The following SH2D3A variants were observed in gnomAD, a reference collection of about 807,000 sequenced individuals.
SH2D3A encodes the protein SH2 domain-containing protein 3A.
SH2D3A carries 46 observed loss-of-function variants against 50.6 expected under a neutral mutation model. The observed-to-expected ratio is 0.91, with a 90% CI of 0.72 to 1.16. SH2D3A has a LOEUF of 1.16. Ranked by LOEUF, SH2D3A falls within the 50% of genes most tolerant of loss-of-function variation. SH2D3A has a pLI of 0.00. For synonymous variants in SH2D3A, 377 were observed against 348.4 expected (o/e 1.08, Z -0.91); for missense variants, 783 against 786.2 (o/e 1.00, Z 0.05).
intron 8 of SH2D3A, 91 bp downstream of exon 8, chr19:6,753,961 C>A: frequency 1.4e-6 from 2 of 1,421,790 alleles, no homozygotes. Context: ...GGGCCTAGAA[C>A]AGATGCAGGG....
At chr19:6,755,451 G>C in intron 4 of SH2D3A, 136 bp from the exon 5 acceptor site, 1 of 555,256 alleles carries the variant, frequency 1.8e-6, no homozygotes, top group Non-Finnish European at 3.0e-6. Flanking sequence ...ACCTATCCGG[G>C]TGCAGTTTTG....
chr19:6,760,591 C>T, intron 3 of SH2D3A, 47 bp downstream of exon 3: 1 of 1,445,170 alleles, frequency 6.9e-7, no homozygotes, highest in Non-Finnish European at 9.2e-7. Context: ...GTTGGAAAAC[C>T]CTGCGAGTGT....
At chr19:6,765,142 A>G (rs1970241273) in intron 1 of SH2D3A, among the ~76,000 whole-genome samples, 1 of 151,604 alleles carries the variant, frequency 6.6e-6, no homozygotes, top group Non-Finnish European at 1.5e-5. Flanking sequence ...CAGCCTCCCA[A>G]AGCACTGGGA....
chr19:6,753,399 G>A (rs1439433657), intron 9 of SH2D3A, 57 bp downstream of exon 9: 1 of 1,420,594 alleles, frequency 7.0e-7, no homozygotes, highest in South Asian at 1.5e-5. Flanking sequence ...TGGGGGATCC[G>A]GTTAGAACCT....
Position 6,753,515 on chromosome 19 carries a change from G to C in SH2D3A, c.1511C>G (p.Ala504Gly). 6.4e-7 allele frequency: 1 copy of C among 1,558,022 alleles called. No homozygotes were observed. Among genetic ancestry groups the C allele is most frequent in the Non-Finnish European group, 8.7e-7 (1 of 1,151,482 alleles). ...GGGTGCGTCCCGGACCATGTGACGC[G>C]CCCCGTGCAGGGTGCGCAACAGCCG... The part of the protein sequence containing the change: ...CERLLRTLHG[A>G]RHMVRDAPKF... The change falls in exon 9 of 10, where the codon GCG becomes GGG. Residue 504 changes from alanine (A) to glycine (G), a missense_variant. By Grantham distance (60) the Ala-to-Gly change is moderately conservative (BLOSUM62 0). Coordinates refer to ENST00000245908, the MANE Select transcript of SH2D3A (RefSeq NM_005490.3).
chr19:6,756,024 C>T (rs1165638000), intron 4 of SH2D3A, among the ~76,000 whole-genome samples: 1 of 150,090 alleles, frequency 6.7e-6, no homozygotes, highest in Non-Finnish European at 1.5e-5. Flanking sequence ...TGAGGTATGA[C>T]TGCACCACTG....
chr19:6,753,191 G>A (rs1969422621), intron 9 of SH2D3A: 1 of 985,174 alleles, frequency 1.0e-6, no homozygotes, highest in African/African-American at 1.7e-5. Context: ...GTCTTAGGTG[G>A]GAAGGGGGAG....
In SH2D3A at chr19:6,753,601, T is replaced by C; in HGVS notation, c.1425A>G (p.Ala475=). The change falls in exon 9 of 10, where the codon GCA becomes GCG. Residue 475 remains alanine (A), a synonymous_variant. Coordinates refer to ENST00000245908, the MANE Select transcript of SH2D3A (RefSeq NM_005490.3). ...CGCCCTCCAGTAGGCGAACCATGGG[T>C]GCCACGTGCGGCAGCGCCACCTCGC... ...DPGEVALPHV[A]PMVRLLEGEE... is the part of the protein sequence containing the mutation. 6.3e-7 allele frequency: 1 copy of C among 1,590,206 alleles called. No homozygotes were observed. Among genetic ancestry groups the C allele is most frequent in the Non-Finnish European group, 8.6e-7 (1 of 1,169,270 alleles).
In SH2D3A at chr19:6,760,640, G is replaced by C; in HGVS notation, c.417C>G (p.Leu139=). The C allele has an allele frequency of 6.4e-7, 1 of 1,566,522 alleles. No homozygotes were observed. The highest frequency in any genetic ancestry group is 8.7e-7 in the Non-Finnish European group (1 of 1,152,892). Residue 139 remains leucine, a splice_region_variant and synonymous_variant, in exon 3 of 10, where the codon CTC becomes CTG. Coordinates refer to ENST00000245908, the MANE Select transcript of SH2D3A (RefSeq NM_005490.3). ...LMDGPARIEP[L]RARKWSNSQP... is the part of the protein sequence containing the mutation. ...GGAGGCAGGGAGACTGTGAGTACCT[G>C]AGAGGCTCTATCCGAGCTGGGCCAT...
intron 6 of SH2D3A, 79 bp from the exon 7 acceptor site, chr19:6,754,504 T>C (rs1969529505): frequency 7.7e-6 from 12 of 1,555,036 alleles, no homozygotes; most frequent in Admixed American, 1.8e-5. Flanking sequence ...GGAGGTGGCA[T>C]TGCCCCATCT....
chr19:6,761,182 C>T, intron 2 of SH2D3A, 195 bp from the exon 3 acceptor site: 3 of 584,472 alleles, frequency 5.1e-6, no homozygotes, highest in Non-Finnish European at 9.1e-6. Flanking sequence ...CTACATTTCC[C>T]AGGTTCCCTT....
At position 6,766,779 on chromosome 19, in the gene SH2D3A, A is replaced by T. The variant is rs370406855; in HGVS notation, c.-69+608T>A. On this transcript the variant is annotated intron_variant, in intron 1 of 9. Transcript: ENST00000245908. ...GACAGACCATTTCTAAGAGTTATCA[A>T]TGAAAGTGATAAGCCAGGGAGATGT... Among the ~76,000 whole-genome samples the T allele has an allele frequency of 7.2e-5, 11 of 152,334 alleles. No individual in the cohort carries two copies. The East Asian group carries it at 2.1e-3, about 29-fold the overall frequency.
At chr19:6,756,784 G>GTC (rs901402970) in intron 4 of SH2D3A, among the ~76,000 whole-genome samples, 2 of 151,946 alleles carry the variant, frequency 1.3e-5, no homozygotes, top group African/African-American at 2.4e-5. Context: ...GAGCCCCAGG[G>GTC]TCTCTCTCTC....
chr19:6,753,581 T>C lies in SH2D3A; in HGVS notation c.1445A>G (p.Glu482Gly). ...PHVAPMVRLL[E>G]GEEVAGPLDE... The stretch of plus-strand genomic sequence containing the variant: ...CAGCGGCCCCGCGACTTCCTCGCCC[T>C]CCAGTAGGCGAACCATGGGTGCCAC... Residue 482 changes from glutamate to glycine, a missense_variant, in exon 9 of 10, where the codon GAG (glutamate) becomes GGG (glycine). By Grantham distance (98) the Glu-to-Gly change is moderately conservative. Transcript: ENST00000245908. 1.9e-6 allele frequency: 3 copies of C among 1,587,412 alleles called. No homozygotes were observed. Among genetic ancestry groups the C allele is most frequent in the Non-Finnish European group, 2.6e-6 (3 of 1,167,850 alleles).
chr19:6,759,486 A>G (rs1969886730), intron 4 of SH2D3A, 108 bp downstream of exon 4: 1 of 919,808 alleles, frequency 1.1e-6, no homozygotes, highest in African/African-American at 1.7e-5. Context: ...TCATTTTCTA[A>G]AGCAAGAAAT....
rs762085084 is a variant in SH2D3A, at chr19:6,754,702, A to G, written c.1011T>C (p.Asp337=). Residue 337 remains aspartate (D), a synonymous_variant, in exon 6 of 10, where the codon GAT becomes GAC. Coordinates refer to ENST00000245908, the MANE Select transcript of SH2D3A (RefSeq NM_005490.3). ...ATGAGACTCCCATGTTGCCCCGCTGATCTCTGGTCACTCCCAGGAGGCCTG... is the reference window on the plus strand; with the variant it reads ...ATGAGACTCCCATGTTGCCCCGCTGGTCTCTGGTCACTCCCAGGAGGCCTG... ...QATGLLGVTR[D]QRGNMGVSSG... 6.2e-6 allele frequency: 10 copies of G among 1,614,056 alleles called. No individual in the cohort carries two copies. Among genetic ancestry groups the G allele is most frequent in the Non-Finnish European group, 8.5e-6 (10 of 1,180,036 alleles).
chr19:6,756,404 C>G (rs1969680096), intron 4 of SH2D3A, among the ~76,000 whole-genome samples: 1 of 151,400 alleles, frequency 6.6e-6, no homozygotes, highest in African/African-American at 2.4e-5. Flanking sequence ...AGATAAGTGT[C>G]AAAGAAACCA....
intron 9 of SH2D3A, 50 bp from the exon 10 acceptor site, chr19:6,752,803 G>T: frequency 6.8e-7 from 1 of 1,469,096 alleles, no homozygotes; most frequent in Non-Finnish European, 9.1e-7. Context: ...CGCCCGCCTC[G>T]CCCCTCCCAA....
At chr19:6,757,422 GTCC>G (rs1247231965) in intron 4 of SH2D3A, 3 of 150,112 alleles carry the variant, frequency 2.0e-5, no homozygotes, top group African/African-American at 7.4e-5. Context: ...GGTTCAAGGA[GTCC>G]TCCTGCTTCA....
Sources: allele counts gnomAD v4.1 joint callset (sites outside exome capture counted in the v4.1 genomes callset), GRCh38; gene constraint gnomAD v4.1.1; transcripts MANE v1.5; gene names NCBI Gene and HGNC (gene_info 2026-07-23, HGNC 2026-07-21).